The following ULK4 variants were observed in gnomAD, a reference collection of about 807,000 sequenced individuals.
ULK4 encodes the protein unc-51 like kinase 4, also known as inactive serine/threonine-protein kinase ULK4.
ULK4 carries 133 observed loss-of-function variants against 160.6 expected under a neutral mutation model. The observed-to-expected ratio is 0.83, with a 90% CI of 0.72 to 0.96. ULK4 has a LOEUF of 0.96. ULK4 is among the 40% of genes least tolerant of loss of function. The probability of loss-of-function intolerance (pLI) is 0.00; values close to 1 mark genes in which losing one functional copy is unlikely to be tolerated. For missense variants in ULK4, 1,580 were observed against 1,499.5 expected, an observed-to-expected ratio of 1.05 and a Z score of -0.89; for synonymous variants, 534 against 539.8, an observed-to-expected ratio of 0.99 and a Z score of 0.15.
At chr3:41,925,907 T>C (rs553578644) in intron 5 of ULK4, among the ~76,000 whole-genome samples, 1 of 152,012 alleles carries the variant, frequency 6.6e-6, no homozygotes, top group South Asian at 2.1e-4. Flanking sequence ...GGAGAAGGGG[T>C]GGCTGTGGGA....
intron 34 of ULK4, among the ~76,000 whole-genome samples, chr3:41,420,039 A>G (rs764616762): frequency 1.3e-5 from 2 of 151,950 alleles, no homozygotes; most frequent in Non-Finnish European, 2.9e-5. Context: ...TCTCTTCATT[A>G]ACGTAAGTTT....
At chr3:41,679,127 CCAATT>C (rs1181056853) in intron 29 of ULK4, among the ~76,000 whole-genome samples, 1 of 152,054 alleles carries the variant, frequency 6.6e-6, no homozygotes. Context: ...ATTTTAATGG[CCAATT>C]CATTTCCATG....
chr3:41,867,884 G>A (rs1433318917), intron 17 of ULK4, among the ~76,000 whole-genome samples: 1 of 152,192 alleles, frequency 6.6e-6, no homozygotes, highest in African/African-American at 2.4e-5. Context: ...ATTGACCCAT[G>A]AGTTACAAGC....
At chr3:41,405,487 A>G (rs756964276) in intron 34 of ULK4, among the ~76,000 whole-genome samples, 1 of 152,208 alleles carries the variant, frequency 6.6e-6, no homozygotes, top group Non-Finnish European at 1.5e-5. Context: ...TCTTGGATAT[A>G]TATCCACTAA....
At chr3:41,601,679 T>C (rs1021667462) in intron 31 of ULK4, among the ~76,000 whole-genome samples, 1 of 152,134 alleles carries the variant, frequency 6.6e-6, no homozygotes, top group Non-Finnish European at 1.5e-5. Flanking sequence ...AAACCCATAA[T>C]GCTTATCTTA....
chr3:41,939,589 A>G (rs538935709), intron 2 of ULK4, among the ~76,000 whole-genome samples: 205 of 152,176 alleles, frequency 1.3e-3, no homozygotes, highest in Non-Finnish European at 4.4e-4. Context: ...GAAGGATTCT[A>G]CAATCTACTT....
chr3:41,531,577 A>G (rs938223559), intron 32 of ULK4, among the ~76,000 whole-genome samples: 10 of 152,200 alleles, frequency 6.6e-5, no homozygotes, highest in Admixed American at 5.9e-4. Context: ...GCAAAAAAAA[A>G]TATTTCTAGC....
chr3:41,266,016 C>T (rs892937081), intron 35 of ULK4, among the ~76,000 whole-genome samples: 1 of 152,216 alleles, frequency 6.6e-6, no homozygotes, highest in Non-Finnish European at 1.5e-5. Flanking sequence ...TGTGTATGCA[C>T]AGGAAATAAC....
rs67078043 is a variant in ULK4 at position 41,721,279 on chromosome 3, T to TTTTTTTTGG, written c.2322-3419_2322-3418insCCAAAAAAA. On this transcript the variant is annotated intron_variant, in intron 22 of 36. Coordinates refer to ENST00000301831, the MANE Select transcript of ULK4 (RefSeq NM_017886.4). ...AATTTTTTTTTTTTTTTTTTTTTTT[T>TTTTTTTTGG]TTTTTGGGTTTTGAACCATGAGTAT... 4.1e-4 allele frequency among the ~76,000 whole-genome samples: 41 copies of TTTTTTTTGG among 98,908 alleles called. No homozygotes were observed. The East Asian group carries it at 4.7e-3, about 11-fold the overall frequency. The allele number at this position is 98,908 out of a possible 152,430, so 64.9% of individuals were successfully genotyped here.
At chr3:41,388,692 C>A (rs566188780) in intron 35 of ULK4, among the ~76,000 whole-genome samples, 5 of 151,676 alleles carry the variant, frequency 3.3e-5, no homozygotes, top group Non-Finnish European at 7.4e-5. Context: ...TGTAGATATG[C>A]GGCATTATTT....
At chr3:41,411,658 C>G (rs1018083056) in intron 34 of ULK4, among the ~76,000 whole-genome samples, 1 of 152,098 alleles carries the variant, frequency 6.6e-6, no homozygotes, top group Non-Finnish European at 1.5e-5. Flanking sequence ...GTCTCGAACT[C>G]CTGATCTCAG....
In ULK4 at chr3:41,775,911, C is replaced by G. The variant is rs182958308; in HGVS notation, c.2193+13750G>C. ...ACCACAAGGATATAAGTTTAATTAT[C>G]CAATCTCTTGTTGGTTAACTTTTAC... is the stretch of plus-strand genomic sequence containing the variant. On this transcript the variant is annotated intron_variant, in intron 21 of 36. Coordinates refer to ENST00000301831, the MANE Select transcript of ULK4 (RefSeq NM_017886.4). 9.3e-5 allele frequency among the ~76,000 whole-genome samples: 14 copies of G among 150,908 alleles called. No homozygotes were observed. The East Asian group carries it at 2.7e-3, about 29-fold the overall frequency.
At chr3:41,417,839 A>T (rs958440666) in intron 34 of ULK4, among the ~76,000 whole-genome samples, 1 of 152,226 alleles carries the variant, frequency 6.6e-6, no homozygotes, top group East Asian at 1.9e-4. Context: ...TGAAAGAATT[A>T]AAAACATACT....
At chr3:41,318,164 A>G (rs528622724) in intron 35 of ULK4, among the ~76,000 whole-genome samples, 1 of 152,304 alleles carries the variant, frequency 6.6e-6, no homozygotes, top group Admixed American at 6.5e-5. Flanking sequence ...AGAAAAAATG[A>G]CTTTCCTCAG....
At chr3:41,920,084 G>C (rs962569720) in intron 5 of ULK4, among the ~76,000 whole-genome samples, 1 of 152,192 alleles carries the variant, frequency 6.6e-6, no homozygotes, top group Non-Finnish European at 1.5e-5. Context: ...ATTTCAATTA[G>C]AATAGTTTAA....
At chr3:41,487,459 T>G (rs1165883085) in intron 32 of ULK4, among the ~76,000 whole-genome samples, 1 of 152,118 alleles carries the variant, frequency 6.6e-6, no homozygotes, top group Non-Finnish European at 1.5e-5. Flanking sequence ...ATTCCAATAC[T>G]ACAATAATAA....
intron 16 of ULK4, among the ~76,000 whole-genome samples, chr3:41,890,657 C>A (rs377468469): frequency 6.9e-5 from 10 of 144,354 alleles, no homozygotes. Context: ...CCAGCCTGGG[C>A]GACAGAGCAA....
intron 30 of ULK4, among the ~76,000 whole-genome samples, chr3:41,658,737 A>ACACACACACACTCT (rs1553628729): frequency 5.3e-5 from 8 of 151,060 alleles, no homozygotes; most frequent in African/African-American, 1.9e-4. Context: ...GTACACACAC[A>ACACACACACACTCT]CACACACACA....
At chr3:41,935,141 C>T (rs939284187) in intron 4 of ULK4, among the ~76,000 whole-genome samples, 9 of 150,336 alleles carry the variant, frequency 6.0e-5, no homozygotes, top group Non-Finnish European at 1.2e-4. Flanking sequence ...CTCGGCCTCC[C>T]AAGTAGATGG....
Sources: gnomAD v4.1 joint callset for allele counts (sites outside exome capture counted in the v4.1 genomes callset) on GRCh38, gnomAD v4.1.1 for gene constraint, MANE v1.5 for transcripts, NCBI Gene and HGNC (gene_info 2026-07-23, HGNC 2026-07-21) for gene names.